PRKCB: variants seen among roughly 807,000 people sequenced by gnomAD.
PRKCB encodes protein kinase C beta type.
Under a neutral mutation model 81.5 loss-of-function variants are expected in PRKCB, and 13 were observed. The ratio of observed to expected loss-of-function variants is 0.16; its 90% CI spans 0.10 to 0.25. The LOEUF (loss-of-function observed/expected upper bound fraction) is 0.25, where lower values mean the gene tolerates loss of function less well. PRKCB is among the 10% of genes least tolerant of loss of function. The probability of loss-of-function intolerance (pLI) is 1.00; values close to 1 mark genes in which losing one functional copy is unlikely to be tolerated. For synonymous variants in PRKCB, 335 were observed against 321.4 expected, an observed-to-expected ratio of 1.04 and a Z score of -0.45; for missense variants, 509 against 875.7, an observed-to-expected ratio of 0.58 and a Z score of 5.29.
intron 2 of PRKCB, among the ~76,000 whole-genome samples, chr16:23,844,450 T>A (rs1240094510): frequency 6.6e-6 from 1 of 152,176 alleles, no homozygotes; most frequent in African/African-American, 2.4e-5. Context: ...TCATCATCCG[T>A]TTTTCTGTTT....
intron 2 of PRKCB, among the ~76,000 whole-genome samples, chr16:23,981,129 C>T (rs1032507755): frequency 6.6e-6 from 1 of 152,166 alleles, no homozygotes; most frequent in African/African-American, 2.4e-5. Context: ...TAGATGTCAA[C>T]ATTCTGAACA....
At position 24,174,579 on chromosome 16, in the gene PRKCB, C is replaced by T. The variant is rs1967499062; in HGVS notation, c.1393C>T (p.Arg465Cys). The T allele has an allele frequency of 1.2e-6, 2 of 1,612,328 alleles. No individual in the cohort carries two copies. The highest frequency in any genetic ancestry group is 8.5e-7 in the Non-Finnish European group (1 of 1,178,844). Reference protein sequence around the residue: ...FFLQSKGIIYRDLKLDNVMLD... With the variant: ...FFLQSKGIIYCDLKLDNVMLD... The stretch of plus-strand genomic sequence containing the variant: ...CTTACAGAGTAAGGGCATCATTTAC[C>T]GGTAAGTGAACACTGCTGTACTTTC... Residue 465 changes from arginine (R) to cysteine (C), a missense_variant and splice_region_variant, in exon 12 of 17, where the codon CGT (arginine) becomes TGT (cysteine). Around this residue, in one of 6 missense-constraint regions of PRKCB, gnomAD observed 106 missense variants for 214.0 expected, o/e 0.50. Transcript: ENST00000643927.
intron 2 of PRKCB, among the ~76,000 whole-genome samples, chr16:23,954,137 C>T (rs926984429): frequency 6.6e-5 from 10 of 151,892 alleles, no homozygotes; most frequent in Non-Finnish European, 1.3e-4. Context: ...GTAGTAGAGA[C>T]GGGGTTTCAT....
chr16:23,996,524 G>T (rs966314733), intron 3 of PRKCB, among the ~76,000 whole-genome samples: 2 of 152,136 alleles, frequency 1.3e-5, no homozygotes, highest in Non-Finnish European at 2.9e-5. Flanking sequence ...TGATTACATT[G>T]GACCCCTTCC....
chr16:24,050,167 C>G (rs965882184), intron 5 of PRKCB, among the ~76,000 whole-genome samples: 5 of 152,114 alleles, frequency 3.3e-5, no homozygotes, highest in African/African-American at 4.8e-5. Flanking sequence ...TCATAGGTGT[C>G]CCAGAATCTT....
intron 5 of PRKCB, among the ~76,000 whole-genome samples, chr16:24,058,324 C>T (rs1268356379): frequency 1.3e-5 from 2 of 152,104 alleles, no homozygotes; most frequent in African/African-American, 4.8e-5. Flanking sequence ...GAGCAAGAAC[C>T]TTCCTTATTT....
At chr16:24,102,452 C>T (rs550209447) in intron 7 of PRKCB, among the ~76,000 whole-genome samples, 7 of 152,346 alleles carry the variant, frequency 4.6e-5, no homozygotes, top group African/African-American at 1.7e-4. Context: ...GCAAGTCTCA[C>T]ACCCTTTCTG....
chr16:24,134,693 G>A (rs1190927872), intron 9 of PRKCB, among the ~76,000 whole-genome samples: 5 of 151,986 alleles, frequency 3.3e-5, no homozygotes, highest in Admixed American at 1.3e-4. Flanking sequence ...AGGTTGCAGT[G>A]AGTCGAGATC....
intron 4 of PRKCB, among the ~76,000 whole-genome samples, 187 bp from the exon 5 acceptor site, chr16:24,035,232 G>C (rs1445239672): frequency 6.6e-6 from 1 of 152,174 alleles, no homozygotes; most frequent in Non-Finnish European, 1.5e-5. Context: ...TCAGGGTTCA[G>C]GGGGAAGAGT....
intron 11 of PRKCB, among the ~76,000 whole-genome samples, chr16:24,173,461 C>T (rs1256485837): frequency 6.6e-6 from 1 of 152,170 alleles, no homozygotes; most frequent in African/African-American, 2.4e-5. Context: ...CTTGCCCCCT[C>T]TCCTCCCACC....
At chr16:24,165,926 C>T (rs1393168864) in intron 10 of PRKCB, among the ~76,000 whole-genome samples, 1 of 129,592 alleles carries the variant, frequency 7.7e-6, no homozygotes, top group Non-Finnish European at 1.6e-5. Flanking sequence ...TCTCACTCTT[C>T]CCCAGGCTGG....
chr16:24,069,609 G>A (rs1596535765), intron 5 of PRKCB, among the ~76,000 whole-genome samples: 3 of 152,078 alleles, frequency 2.0e-5, no homozygotes, highest in South Asian at 2.1e-4. Context: ...AGGCATGGTC[G>A]TACACCTGTA....
rs1057136104 is a variant in PRKCB at position 24,217,160 on chromosome 16, G to A, written c.*2344G>A. ...AGAAAGGAAGGAAGGAAAGAAGGAA[G>A]GAAAAGAAGGAAGGAAGGAAGGAAT... On this transcript the variant is annotated 3_prime_UTR_variant, in exon 17 of 17. Coordinates refer to ENST00000643927, the MANE Select transcript of PRKCB (RefSeq NM_002738.7). The A allele has an allele frequency of 2.1e-6, 2 of 959,554 alleles. No individual in the cohort carries two copies. Among genetic ancestry groups the A allele is most frequent in the African/African-American group, 1.8e-5 (1 of 54,580 alleles). 59.4% of individuals were successfully genotyped at this position (959,554 alleles called of 1,614,324 possible). A position where few individuals can be genotyped will look rare whatever the true frequency, so the allele number is the denominator to read the frequency against.
At chr16:23,856,817 T>C (rs1346147657) in intron 2 of PRKCB, among the ~76,000 whole-genome samples, 1 of 152,212 alleles carries the variant, frequency 6.6e-6, no homozygotes, top group Non-Finnish European at 1.5e-5. Context: ...GAGCCACTAC[T>C]CCTGGCCTCA....
At chr16:24,109,274 C>G (rs77860449) in intron 7 of PRKCB, among the ~76,000 whole-genome samples, 70 of 5,848 alleles carry the variant, frequency 0.012, no homozygotes, top group African/African-American at 0.041. Context: ...GGCGGCTGGC[C>G]GGGCGGGGGG....
Position 24,216,428 on chromosome 16 carries a change from A to G in PRKCB, c.*1612A>G, listed in dbSNP as rs1596604455. ...TCTGAGAGGATTAAGGCAGCAGGTG[A>G]CTCCCCCTCCTCGCCTGCCGTGTCC... On this transcript the variant is annotated 3_prime_UTR_variant, in exon 17 of 17. Transcript: ENST00000643927. 2 of 984,946 alleles carry G rather than the reference A, an allele frequency of 2.0e-6. No homozygotes were observed. Among genetic ancestry groups the G allele is most frequent in the African/African-American group, 3.5e-5 (2 of 57,104 alleles). The allele number at this position is 984,946 out of a possible 1,614,324, so 61.0% of individuals were successfully genotyped here. A position where few individuals can be genotyped will look rare whatever the true frequency, so the allele number is the denominator to read the frequency against.
At chr16:24,164,579 T>C (rs1967313645) in intron 10 of PRKCB, among the ~76,000 whole-genome samples, 1 of 152,110 alleles carries the variant, frequency 6.6e-6, no homozygotes, top group African/African-American at 2.4e-5. Flanking sequence ...TTAATTGGAG[T>C]TGACGGTGGA....
intron 3 of PRKCB, among the ~76,000 whole-genome samples, chr16:23,999,267 G>A (rs1965001397): frequency 6.6e-6 from 1 of 152,232 alleles, no homozygotes; most frequent in South Asian, 2.1e-4. Context: ...GAAACACACA[G>A]GCGGTGACCT....
chr16:24,137,892 C>T (rs2141940946), intron 9 of PRKCB, among the ~76,000 whole-genome samples: 1 of 152,266 alleles, frequency 6.6e-6, no homozygotes, highest in South Asian at 2.1e-4. Flanking sequence ...AACCCCCACC[C>T]CACCCCACAG....
Sources: gnomAD v4.1 joint callset for allele counts (sites outside exome capture counted in the v4.1 genomes callset) on GRCh38, gnomAD v4.1.1 for gene constraint, gnomAD v4.1.1 regional missense constraint, MANE v1.5 for transcripts, NCBI Gene and HGNC (gene_info 2026-07-23, HGNC 2026-07-21) for gene names.